METTL2B: variants seen among roughly 807,000 people sequenced by gnomAD.
The protein encoded by METTL2B is tRNA N(3)-cytidine methyltransferase METTL2B.
In METTL2B, 28 loss-of-function variants were observed where a neutral mutation model predicts 51.0. The ratio of observed to expected loss-of-function variants is 0.55; its 90% CI spans 0.41 to 0.75. METTL2B has a LOEUF of 0.75. Ranked by LOEUF, METTL2B falls within the 30% of genes least tolerant of loss-of-function variation. The pLI is 0.00. For synonymous variants in METTL2B, 128 were observed against 166.3 expected (o/e 0.77, Z 1.77); for missense variants, 313 against 460.7 (o/e 0.68, Z 2.93).
At chr7:128,482,039 T>C (rs1799878445) in intron 4 of METTL2B, among the ~76,000 whole-genome samples, 1 of 152,224 alleles carries the variant, frequency 6.6e-6, no homozygotes, top group Admixed American at 6.5e-5. Context: ...AATCTGCATT[T>C]CTATTCAGGA....
chr7:128,495,931 C>T (rs912211897), intron 6 of METTL2B, among the ~76,000 whole-genome samples: 2 of 152,118 alleles, frequency 1.3e-5, no homozygotes, highest in Admixed American at 6.6e-5. Flanking sequence ...CTTCAAACAT[C>T]TCCTCATTCT....
At chr7:128,482,391 T>C (rs1466135698) in intron 4 of METTL2B, among the ~76,000 whole-genome samples, 1 of 152,160 alleles carries the variant, frequency 6.6e-6, no homozygotes, top group Non-Finnish European at 1.5e-5. Flanking sequence ...TGACCTCAGG[T>C]GATCTACCTG....
chr7:128,477,417 TTTAA>T (rs1254600463), intron 2 of METTL2B, among the ~76,000 whole-genome samples: 1 of 152,158 alleles, frequency 6.6e-6, no homozygotes, highest in Non-Finnish European at 1.5e-5. Flanking sequence ...TAATTTTGTC[TTTAA>T]TTATGTTGAG....
chr7:128,488,158 C>T lies in METTL2B; in HGVS notation c.666C>T (p.Val222=). The part of the protein sequence containing the change: ...CDFSSTAIEL[V]QTNSEYDPSR... ...TTTCTTCCACAGCTATAGAACTGGT[C>T]CAGGTGAGTACGATGGGAAATTACC... Residue 222 remains valine (V), a synonymous_variant, in exon 5 of 9, where the codon GTC becomes GTT. Transcript: ENST00000262432. The T allele has an allele frequency of 6.2e-7, 1 of 1,613,048 alleles. No homozygotes were observed. Among genetic ancestry groups the T allele is most frequent in the Middle Eastern group, 1.7e-4 (1 of 5,986 alleles).
At chr7:128,485,979 A>G (rs1792699027) in intron 4 of METTL2B, among the ~76,000 whole-genome samples, 1 of 152,100 alleles carries the variant, frequency 6.6e-6, no homozygotes, top group Non-Finnish European at 1.5e-5. Flanking sequence ...AGGGACAACT[A>G]TATGACCTGT....
rs573061541 is a variant in METTL2B, at chr7:128,499,087, C to T, written c.916+945C>T. Reference sequence around the variant, plus strand: ...CATTAAAAATGTAAAAGGCAAATGACGGAGTAAGAAGGAATATTTTCAGTG... The same window carrying T: ...CATTAAAAATGTAAAAGGCAAATGATGGAGTAAGAAGGAATATTTTCAGTG... On this transcript the variant is annotated intron_variant, in intron 7 of 8. Transcript: ENST00000262432. Among the ~76,000 whole-genome samples the T allele has an allele frequency of 4.0e-5, 6 of 151,522 alleles. No homozygotes were observed. The East Asian group carries it at 9.7e-4, about 24-fold the overall frequency.
intron 4 of METTL2B, chr7:128,482,945 C>T (rs931131301): frequency 6.6e-6 from 1 of 152,150 alleles, no homozygotes; most frequent in Non-Finnish European, 1.5e-5. Context: ...CAATTTAGCC[C>T]ACAGTATTCA....
At position 128,477,098 on chromosome 7, in the gene METTL2B, T is replaced by A; in HGVS notation, c.127T>A (p.Ser43Thr). ...TTTTCTCAGGGACAATGTGGAGTGGTCGGAAGAGCAAGCCGCGGCGGCGGA... is the reference window on the plus strand; with the variant it reads ...TTTTCTCAGGGACAATGTGGAGTGGACGGAAGAGCAAGCCGCGGCGGCGGA... Reference protein sequence around the residue: ...HHNAWDNVEWSEEQAAAAERK... With the variant: ...HHNAWDNVEWTEEQAAAAERK... Residue 43 changes from serine (S) to threonine (T), a missense_variant, in exon 2 of 9, where the codon TCG becomes ACG. Coordinates refer to ENST00000262432, the MANE Select transcript of METTL2B (RefSeq NM_018396.3). 6.2e-7 allele frequency: 1 copy of A among 1,613,964 alleles called. No individual in the cohort carries two copies. Among genetic ancestry groups the A allele is most frequent in the Non-Finnish European group, 8.5e-7 (1 of 1,179,970 alleles).
At chr7:128,478,412 G>C (rs1799830376) in intron 2 of METTL2B, among the ~76,000 whole-genome samples, 1 of 151,434 alleles carries the variant, frequency 6.6e-6, no homozygotes, top group Non-Finnish European at 1.5e-5. Flanking sequence ...CACCATGCCT[G>C]GCTAATTTTT....
At chr7:128,477,281 T>A in intron 2 of METTL2B, 108 bp downstream of exon 2, 3 of 1,453,102 alleles carry the variant, frequency 2.1e-6, no homozygotes, top group Non-Finnish European at 2.8e-6. Context: ...ATTCCTGGCC[T>A]GATGCGGATC....
At chr7:128,492,619 G>GTTTGTT (rs1792854787) in intron 5 of METTL2B, among the ~76,000 whole-genome samples, 1 of 150,550 alleles carries the variant, frequency 6.6e-6, no homozygotes, top group Non-Finnish European at 1.5e-5. Flanking sequence ...TTGTTTGTTT[G>GTTTGTT]TTTGTTTTTG....
intron 6 of METTL2B, among the ~76,000 whole-genome samples, chr7:128,497,675 G>T (rs1274856920): frequency 6.6e-6 from 1 of 152,114 alleles, no homozygotes; most frequent in Non-Finnish European, 1.5e-5. Flanking sequence ...TAGAGACGGG[G>T]TTTCACCGTT....
chr7:128,490,615 C>T (rs957760162), intron 5 of METTL2B, among the ~76,000 whole-genome samples: 4 of 152,154 alleles, frequency 2.6e-5, no homozygotes, highest in Non-Finnish European at 5.9e-5. Context: ...TACCAGTTTT[C>T]TCTAGTCAGT....
intron 4 of METTL2B, among the ~76,000 whole-genome samples, chr7:128,482,289 G>T (rs147057290): frequency 0.034 from 5,218 of 152,158 alleles, 227 homozygotes; most frequent in East Asian, 0.22. Context: ...TAGTAGCTGG[G>T]ATTAAGGGTG....
intron 4 of METTL2B, among the ~76,000 whole-genome samples, chr7:128,482,019 C>T (rs1370502800): frequency 1.3e-5 from 2 of 152,168 alleles, no homozygotes; most frequent in African/African-American, 4.8e-5. Flanking sequence ...AAATAGTTTT[C>T]ATACAACATA....
chr7:128,489,629 C>CTTTT (rs71160655), intron 5 of METTL2B, among the ~76,000 whole-genome samples: 39 of 111,060 alleles, frequency 3.5e-4, no homozygotes, highest in East Asian at 1.1e-3. Context: ...CTGGCAATTT[C>CTTTT]TTTTTTTTTT....
At position 128,505,692 on chromosome 7, in the gene METTL2B, C is replaced by G. The variant is rs943027529; in HGVS notation, c.*3776C>G. On this transcript the variant is annotated 3_prime_UTR_variant, in exon 9 of 9. Transcript: ENST00000262432. ...CTATTGCTGTTTTTTGTCTGAATAACTATGATAGTTGCCAAATAGTGGTTT... is the reference window on the plus strand; with the variant it reads ...CTATTGCTGTTTTTTGTCTGAATAAGTATGATAGTTGCCAAATAGTGGTTT... 2 of 152,184 alleles carry G rather than the reference C, an allele frequency of 1.3e-5. No homozygotes were observed. The highest frequency in any genetic ancestry group is 2.9e-5 in the Non-Finnish European group (2 of 68,038). The allele number at this position is 152,184 out of a possible 1,614,324, so 9.4% of individuals were successfully genotyped here. A position where few individuals can be genotyped will look rare whatever the true frequency, so the allele number is the denominator to read the frequency against.
chr7:128,505,729 A>G lies in METTL2B; in HGVS notation c.*3813A>G, dbSNP rs1306658351. 2.0e-5 allele frequency: 3 copies of G among 152,072 alleles called. No individual in the cohort carries two copies. The highest frequency in any genetic ancestry group is 4.8e-5 in the African/African-American group (2 of 41,404). 9.4% of individuals were successfully genotyped at this position (152,072 alleles called of 1,614,324 possible). A position where few individuals can be genotyped will look rare whatever the true frequency, so the allele number is the denominator to read the frequency against. ...CCAAATAGTGGTTTCTGATCCTTCC[A>G]TTCCTTCTACACTGATTGGTTGGTA... On this transcript the variant is annotated 3_prime_UTR_variant, in exon 9 of 9. Transcript: ENST00000262432.
intron 4 of METTL2B, among the ~76,000 whole-genome samples, chr7:128,485,435 G>A (rs145559828): frequency 3.3e-5 from 5 of 151,964 alleles, no homozygotes; most frequent in Non-Finnish European, 5.9e-5. Flanking sequence ...AGGCCGAGAC[G>A]GGCAGATCAC....
Sources: gnomAD v4.1 joint callset for allele counts (sites outside exome capture counted in the v4.1 genomes callset) on GRCh38, gnomAD v4.1.1 for gene constraint, MANE v1.5 for transcripts, NCBI Gene and HGNC (gene_info 2026-07-23, HGNC 2026-07-21) for gene names.